The following TESPA1 variants were observed in gnomAD, a reference collection of about 807,000 sequenced individuals.
The protein encoded by TESPA1 is protein TESPA1.
Under a neutral mutation model 57.9 loss-of-function variants are expected in TESPA1, and 33 were observed. The ratio of observed to expected loss-of-function variants is 0.57; its 90% confidence interval spans 0.43 to 0.76. The LOEUF is 0.76. Among genes scored for constraint, TESPA1 ranks in the 30% least tolerant of loss-of-function variants. The pLI, the probability that TESPA1 is intolerant of heterozygous loss-of-function variation, is 0.00. For synonymous variants in TESPA1, 227 were observed against 228.9 expected (o/e 0.99, Z 0.07); for missense variants, 618 against 632.9 (o/e 0.98, Z 0.25).
At chr12:54,981,232 C>G (rs897866935) in intron 1 of TESPA1, among the ~76,000 whole-genome samples, 2 of 152,086 alleles carry the variant, frequency 1.3e-5, no homozygotes, top group African/African-American at 4.8e-5. Flanking sequence ...AATCTCCCCT[C>G]AGTCTAAGAT....
In TESPA1 at chr12:54,949,058, C is replaced by T. The variant is rs909545743; in HGVS notation, c.*1334G>A. The T allele has an allele frequency of 6.7e-6, 1 of 149,892 alleles. No individual in the cohort carries two copies. The highest frequency in any genetic ancestry group is 1.5e-5 in the Non-Finnish European group (1 of 67,448). 9.3% of individuals were successfully genotyped at this position (149,892 alleles called of 1,614,324 possible). A position where few individuals can be genotyped will look rare whatever the true frequency, so the allele number is the denominator to read the frequency against. On this transcript the variant is annotated 3_prime_UTR_variant, in exon 11 of 11. Coordinates refer to ENST00000449076, the MANE Select transcript of TESPA1 (RefSeq NM_001136030.3). ...AGATAGTTCCCCTGTCTCCTGGTTT[C>T]TGTGGGTGGGAAGGGTAGGAAACTT...
chr12:54,962,465 C>T lies in TESPA1; in HGVS notation c.1433G>A (p.Ser478Asn), dbSNP rs929090294. ...GTCAAAAGTGTCCTGTGGCTGCTGG[C>T]TTAAAGACCGACGCAGTTCTGGTCT... ...VDRPELRRSL[S>N]QQPQDTFDLE... The change falls in exon 9 of 11, where the codon AGC becomes AAC. Residue 478 changes from serine (S) to asparagine (N), a missense_variant. By Grantham distance (46) the Ser-to-Asn change is conservative (BLOSUM62 1). Around this residue, in one of 3 missense-constraint regions of TESPA1, gnomAD observed 409 missense variants for 420.1 expected, o/e 0.97. Transcript: ENST00000449076. 23 of 1,612,394 alleles carry T rather than the reference C, an allele frequency of 1.4e-5. No individual in the cohort carries two copies. Among genetic ancestry groups the T allele is most frequent in the Non-Finnish European group, 1.9e-5 (22 of 1,179,778 alleles).
Position 54,963,894 on chromosome 12 carries a change from A to G in TESPA1, c.503T>C (p.Leu168Pro), listed in dbSNP as rs760014653. Residue 168 changes from leucine to proline, a missense_variant, in exon 8 of 11, where the codon CTG (leucine) becomes CCG (proline). Physicochemically the swap from Leu to Pro is moderately conservative, Grantham distance 98. This residue lies in a region of TESPA1 where 10 missense variants were observed against 28.8 expected (regional missense o/e 0.35). Transcript: ENST00000449076. The part of the protein sequence containing the change: ...QEDAEDVLFS[L>P]GFGQEDHKDT... ...TTTGTGATCCTCTTGGCCAAAGCCC[A>G]GACTGAAGAGGACATCTTCTGCATC... 1 of 1,614,062 alleles carries G rather than the reference A, an allele frequency of 6.2e-7. No homozygotes were observed. The highest frequency in any genetic ancestry group is 8.5e-7 in the Non-Finnish European group (1 of 1,179,884).
intron 10 of TESPA1, among the ~76,000 whole-genome samples, chr12:54,957,482 C>T (rs1264628800): frequency 6.6e-6 from 1 of 152,212 alleles, no homozygotes; most frequent in African/African-American, 2.4e-5. Flanking sequence ...CCATATTTAT[C>T]ACACAGGCTT....
rs375693025 is a variant in TESPA1, at chr12:54,971,720, T to A, written c.206+1757A>T. ...GGAAAAAATAAAATATTAAGTAATA[T>A]ATAATGTAAAATAAAAAATTAAATA... On this transcript the variant is annotated intron_variant, in intron 3 of 10. Coordinates refer to ENST00000449076, the MANE Select transcript of TESPA1 (RefSeq NM_001136030.3). Among the ~76,000 whole-genome samples the A allele has an allele frequency of 1.3e-4, 20 of 151,026 alleles. 2 individuals are homozygous for A. In the South Asian group the frequency reaches 4.1e-3, roughly 31 times the overall value.
chr12:54,969,225 C>G (rs913869305), intron 3 of TESPA1, among the ~76,000 whole-genome samples: 1 of 151,290 alleles, frequency 6.6e-6, no homozygotes, highest in African/African-American at 2.4e-5. Flanking sequence ...ATAGGTAACT[C>G]TAATAATGCA....
chr12:54,966,033 T>C lies in TESPA1; in HGVS notation c.446+20A>G. 1 of 1,557,968 alleles carries C rather than the reference T, an allele frequency of 6.4e-7. No individual in the cohort carries two copies. Among genetic ancestry groups the C allele is most frequent in the African/African-American group, 1.4e-5 (1 of 73,456 alleles). On this transcript the variant is annotated intron_variant, in intron 7 of 10. Coordinates refer to ENST00000449076, the MANE Select transcript of TESPA1 (RefSeq NM_001136030.3). ...TCTCATCTTCTCCACCCTTCCACCC[T>C]GCCAAACTTCAGTACCTACCTTGAA...
At chr12:54,977,347 C>T (rs1952172585) in intron 1 of TESPA1, among the ~76,000 whole-genome samples, 1 of 151,966 alleles carries the variant, frequency 6.6e-6, no homozygotes, top group East Asian at 1.9e-4. Flanking sequence ...AGATCGGCTG[C>T]AAAACAGTAA....
intron 1 of TESPA1, among the ~76,000 whole-genome samples, chr12:54,978,862 A>C (rs1952219391): frequency 6.6e-6 from 1 of 152,212 alleles, no homozygotes; most frequent in African/African-American, 2.4e-5. Context: ...CAAGACAGTA[A>C]GTGGCTACCT....
At chr12:54,966,838 A>T (rs1482588849) in intron 5 of TESPA1, among the ~76,000 whole-genome samples, 2 of 152,114 alleles carry the variant, frequency 1.3e-5, no homozygotes, top group African/African-American at 4.8e-5. Context: ...TCTCTATTTT[A>T]CATCCAATGC....
Position 54,948,677 on chromosome 12 carries a change from C to T in TESPA1, c.*1715G>A, listed in dbSNP as rs35371758. On this transcript the variant is annotated 3_prime_UTR_variant, in exon 11 of 11. Coordinates refer to ENST00000449076, the MANE Select transcript of TESPA1 (RefSeq NM_001136030.3). ...TGATGTTGCCATGCTTCCTGTACAGCCTGCGGAACTGTGAGCCAATTAAAC... is the reference window on the plus strand; with the variant it reads ...TGATGTTGCCATGCTTCCTGTACAGTCTGCGGAACTGTGAGCCAATTAAAC... The T allele has an allele frequency of 0.091, 13,953 of 152,560 alleles. 875 individuals are homozygous for T. The highest frequency in any genetic ancestry group is 0.13 in the Non-Finnish European group (8,803 of 68,274). 9.5% of individuals were successfully genotyped at this position (152,560 alleles called of 1,614,324 possible).
Position 54,951,098 on chromosome 12 carries a change from C to T in TESPA1, c.*2-708G>A, listed in dbSNP as rs574016623. On this transcript the variant is annotated intron_variant, in intron 10 of 10. Coordinates refer to ENST00000449076, the MANE Select transcript of TESPA1 (RefSeq NM_001136030.3). ...CTGATATAGTTTGGCTCTGTGTCCCCACCCAAATATCATGTTGAATTGTGA... is the reference window on the plus strand; with the variant it reads ...CTGATATAGTTTGGCTCTGTGTCCCTACCCAAATATCATGTTGAATTGTGA... Among the ~76,000 whole-genome samples the T allele has an allele frequency of 1.2e-4, 18 of 152,284 alleles. No individual in the cohort carries two copies. The South Asian group carries it at 3.1e-3, about 26-fold the overall frequency.
At chr12:54,980,608 T>C (rs541901083) in intron 1 of TESPA1, among the ~76,000 whole-genome samples, 3 of 152,348 alleles carry the variant, frequency 2.0e-5, no homozygotes, top group East Asian at 3.9e-4. Context: ...AGAGCTGGGA[T>C]AGCTGGGCTG....
intron 10 of TESPA1, among the ~76,000 whole-genome samples, chr12:54,952,831 G>A (rs1950481061): frequency 7.2e-6 from 1 of 138,540 alleles, no homozygotes; most frequent in African/African-American, 2.8e-5. Context: ...CTTCCAAATT[G>A]TTATTCCTAT....
At chr12:54,958,597 G>C (rs749919666) in intron 10 of TESPA1, among the ~76,000 whole-genome samples, 1 of 151,956 alleles carries the variant, frequency 6.6e-6, no homozygotes. Flanking sequence ...TATTGTTTCA[G>C]ATATTTCTTT....
chr12:54,984,941 G>C (rs907094238), upstream of TESPA1, among the ~76,000 whole-genome samples: 1 of 152,164 alleles, frequency 6.6e-6, no homozygotes, highest in African/African-American at 2.4e-5. Context: ...AGAAAAACAG[G>C]AGATCTTTTC....
At chr12:54,982,210 T>C (rs1952346960) in intron 1 of TESPA1, among the ~76,000 whole-genome samples, 1 of 152,244 alleles carries the variant, frequency 6.6e-6, no homozygotes, top group Non-Finnish European at 1.5e-5. Context: ...AACTGTCTTC[T>C]AGCTCCTAAC....
intron 3 of TESPA1, among the ~76,000 whole-genome samples, chr12:54,969,021 G>A (rs866921632): frequency 3.6e-5 from 3 of 83,672 alleles, no homozygotes; most frequent in Non-Finnish European, 6.7e-5. Context: ...ATTTATATAT[G>A]TATATATATA....
At chr12:54,979,327 A>G (rs774407176) in intron 1 of TESPA1, among the ~76,000 whole-genome samples, 2 of 152,214 alleles carry the variant, frequency 1.3e-5, no homozygotes, top group Non-Finnish European at 2.9e-5. Flanking sequence ...GATCATATTT[A>G]GTCTTCTCTA....
Sources: gnomAD v4.1 joint callset for allele counts (sites outside exome capture counted in the v4.1 genomes callset) on GRCh38, gnomAD v4.1.1 for gene constraint, gnomAD v4.1.1 regional missense constraint, MANE v1.5 for transcripts, NCBI Gene and HGNC (gene_info 2026-07-23, HGNC 2026-07-21) for gene names.